The following BRF1 variants were observed in gnomAD, a reference collection of about 807,000 sequenced individuals.
BRF1 encodes BRF1 general transcription factor IIIB subunit.
BRF1 carries 59 observed loss-of-function variants against 81.7 expected under a neutral mutation model. That is an observed-to-expected ratio of 0.72 (90% CI 0.59 to 0.90). The LOEUF (loss-of-function observed/expected upper bound fraction) is 0.90, where lower values mean the gene tolerates loss of function less well. Ranked by LOEUF, BRF1 falls within the 40% of genes least tolerant of loss-of-function variation. The pLI is 0.00. For synonymous variants in BRF1, 491 were observed against 395.6 expected (o/e 1.24, Z -2.86); for missense variants, 1,050 against 936.3 (o/e 1.12, Z -1.58).
intron 5 of BRF1, among the ~76,000 whole-genome samples, chr14:105,243,363 T>A (rs1307558599): frequency 2.6e-5 from 4 of 151,092 alleles, no homozygotes; most frequent in African/African-American, 9.8e-5. Context: ...GACTACAGCA[T>A]TGCTTGAAGC....
intron 5 of BRF1, chr14:105,247,140 G>A (rs1240906903): frequency 6.1e-6 from 6 of 985,486 alleles, no homozygotes; most frequent in Non-Finnish European, 6.0e-6. Context: ...TTTGCCAGTG[G>A]GGTCCCACAC....
chr14:105,250,611 A>G, intron 5 of BRF1: 1 of 1,613,990 alleles, frequency 6.2e-7, no homozygotes, highest in Non-Finnish European at 8.5e-7. Context: ...TGCTCCTCGG[A>G]CAGCACCAAC....
chr14:105,298,269 CACA>C (rs796365634), intron 1 of BRF1, among the ~76,000 whole-genome samples: 2 of 152,228 alleles, frequency 1.3e-5, no homozygotes, highest in South Asian at 2.1e-4. Context: ...AATTAATAGC[CACA>C]ACAACTTTGA....
At chr14:105,251,818 ATCCTT>A (rs1485176474) in intron 5 of BRF1, among the ~76,000 whole-genome samples, 2 of 151,924 alleles carry the variant, frequency 1.3e-5, no homozygotes, top group African/African-American at 4.8e-5. Flanking sequence ...TGCTGTTTTG[ATCCTT>A]TCCTTCTAGA....
chr14:105,227,457 G>C (rs958369781), intron 7 of BRF1: 1 of 152,406 alleles, frequency 6.6e-6, no homozygotes, highest in Non-Finnish European at 1.5e-5. Context: ...ACAAATACCT[G>C]AACTGTGCTT....
Position 105,299,014 on chromosome 14 carries a change from AC to A in BRF1, c.184+1431del, listed in dbSNP as rs587736596. On this transcript the variant is annotated intron_variant, in intron 1 of 17. Transcript: ENST00000547530. ...TGAAACCCCGTCTCCACTAAAAAAT[AC>A]AAAAAAAATTAGCCGGGCATGGTAG... 7.9e-5 allele frequency among the ~76,000 whole-genome samples: 12 copies of A among 152,114 alleles called. No individual in the cohort carries two copies. In the South Asian group the frequency reaches 2.5e-3, roughly 32 times the overall value.
At chr14:105,310,663 C>A (rs587643239) in intron 1 of BRF1, among the ~76,000 whole-genome samples, 3 of 151,820 alleles carry the variant, frequency 2.0e-5, no homozygotes, top group Non-Finnish European at 4.4e-5. Flanking sequence ...CAGGACGGGG[C>A]GCAGCCCCAG....
At chr14:105,260,481 C>T (rs1428304626) in intron 3 of BRF1, among the ~76,000 whole-genome samples, 1 of 152,052 alleles carries the variant, frequency 6.6e-6, no homozygotes, top group African/African-American at 2.4e-5. Context: ...AAGCGATTCT[C>T]CTGCCTCAGC....
rs1033615802 is a variant in BRF1, at chr14:105,269,571, G to A, written c.439+3150C>T. Reference sequence around the variant, plus strand: ...CTGTGAGCACTGTGCGTGAGCCTCGGTGGGGACACAGGTACTCTTTTCCCT... The same window carrying A: ...CTGTGAGCACTGTGCGTGAGCCTCGATGGGGACACAGGTACTCTTTTCCCT... On this transcript the variant is annotated intron_variant, in intron 3 of 17. Transcript: ENST00000547530. This position sits in a 1 kb window ranked among gnomAD's most constrained non-coding sequence, Gnocchi z 5.0. Among the ~76,000 whole-genome samples the A allele has an allele frequency of 6.6e-5, 10 of 152,164 alleles. No individual in the cohort carries two copies. The highest frequency in any genetic ancestry group is 2.2e-4 in the African/African-American group (9 of 41,432).
At chr14:105,223,603 T>C (rs1892642287) in intron 10 of BRF1, among the ~76,000 whole-genome samples, 1 of 152,162 alleles carries the variant, frequency 6.6e-6, no homozygotes, top group African/African-American at 2.4e-5. Flanking sequence ...TACAACTAAT[T>C]TATCGTGAAA....
chr14:105,248,768 G>T, intron 5 of BRF1: 1 of 981,552 alleles, frequency 1.0e-6, no homozygotes, highest in Non-Finnish European at 1.2e-6. Context: ...TGACCTCCTT[G>T]CTTTTGCTTG....
chr14:105,228,739 G>A (rs1431561629), intron 7 of BRF1, 81 bp downstream of exon 7: 29 of 1,505,686 alleles, frequency 1.9e-5, no homozygotes, highest in Non-Finnish European at 2.7e-5. Context: ...CCGGGAGGTG[G>A]CGCCTGCTCT....
In BRF1 at chr14:105,221,816, G is replaced by A. The variant is rs377536607; in HGVS notation, c.1147C>T (p.Arg383Trp). 32 of 1,611,170 alleles carry A rather than the reference G, an allele frequency of 2.0e-5. No individual in the cohort carries two copies. The highest frequency in any genetic ancestry group is 8.8e-5 in the South Asian group (8 of 90,832). Reference protein sequence around the residue: ...AASHLNKDLYRELLGGAPGSS... With the variant: ...AASHLNKDLYWELLGGAPGSS... ...CCGGGGGCACCACCAAGGAGCTCCC[G>A]GTATAAGTCTTTGTTCAGGTGGCTG... The change falls in exon 11 of 18, where the codon CGG (arginine) becomes TGG (tryptophan). Residue 383 changes from arginine to tryptophan, a missense_variant. Physicochemically the swap from Arg to Trp is moderately radical, Grantham distance 101. This residue lies in a region of BRF1 where 1,043 missense variants were observed against 915.4 expected (regional missense o/e 1.14). Transcript: ENST00000547530.
intron 16 of BRF1, chr14:105,211,887 G>A: frequency 1.6e-6 from 1 of 615,074 alleles, no homozygotes. Flanking sequence ...GCGCTGAGCA[G>A]CAGGCACACA....
intron 1 of BRF1, among the ~76,000 whole-genome samples, chr14:105,295,918 C>T (rs1486523995): frequency 1.3e-5 from 2 of 151,076 alleles, no homozygotes; most frequent in Admixed American, 1.3e-4. Flanking sequence ...ATCTCTACTA[C>T]AAATACAAAA....
intron 3 of BRF1, among the ~76,000 whole-genome samples, chr14:105,265,965 G>T (rs1271103554): frequency 6.6e-6 from 1 of 151,844 alleles, no homozygotes; most frequent in African/African-American, 2.4e-5. Context: ...CAGCTACTCG[G>T]GAGGCTGAGG....
chr14:105,270,043 G>T (rs587768319), intron 3 of BRF1, among the ~76,000 whole-genome samples: 7 of 152,314 alleles, frequency 4.6e-5, no homozygotes, highest in African/African-American at 1.7e-4. Context: ...GGGCAGGGAC[G>T]CGGGCGTGGG....
Position 105,226,637 on chromosome 14 carries a change from C to T in BRF1, c.912G>A (p.Lys304=). Residue 304 remains lysine (K), a synonymous_variant, in exon 8 of 18, where the codon AAG becomes AAA. Transcript: ENST00000547530. ...YTAGQRKLRM[K]QLEQVLSKKL... is the part of the protein sequence containing the mutation. Reference sequence around the variant, plus strand: ...CAGACACCAAAGCCGGCGCTACCTGCTTCATCCGCAGCTTCCTCTGCCCAG... The same window carrying T: ...CAGACACCAAAGCCGGCGCTACCTGTTTCATCCGCAGCTTCCTCTGCCCAG... The T allele has an allele frequency of 6.2e-7, 1 of 1,613,148 alleles. No homozygotes were observed. Among genetic ancestry groups the T allele is most frequent in the African/African-American group, 1.3e-5 (1 of 75,070 alleles).
At position 105,256,197 on chromosome 14, in the gene BRF1, A is replaced by G. The variant is rs1012950837; in HGVS notation, c.471+321T>C. The G allele has an allele frequency of 2.6e-6, 4 of 1,532,000 alleles. No homozygotes were observed. The African/African-American group carries it at 4.1e-5, about 16-fold the overall frequency. 94.9% of individuals were successfully genotyped at this position (1,532,000 alleles called of 1,614,324 possible). On this transcript the variant is annotated intron_variant, in intron 4 of 17. Coordinates refer to ENST00000547530, the MANE Select transcript of BRF1 (RefSeq NM_001519.4). ...TATACCAAACTAGGTACTCACAAAA[A>G]AATTTTTTAATTGAAAATAATCTCC...
Sources: allele counts gnomAD v4.1 joint callset (sites outside exome capture counted in the v4.1 genomes callset), GRCh38; gene constraint gnomAD v4.1.1; regional missense constraint gnomAD v4.1.1; non-coding constraint Gnocchi (gnomAD v3.1); transcripts MANE v1.5; gene names NCBI Gene and HGNC (gene_info 2026-07-23, HGNC 2026-07-21).